RPS6KC1: variants seen among roughly 807,000 people sequenced by gnomAD.
The protein encoded by RPS6KC1 is ribosomal protein S6 kinase C1, also known as inactive ribosomal protein S6 kinase delta-1.
In RPS6KC1, 54 loss-of-function variants were observed where a neutral mutation model predicts 103.8. That is an observed-to-expected ratio of 0.52 (90% CI 0.42 to 0.65). The LOEUF (loss-of-function observed/expected upper bound fraction) is 0.65. Among genes scored for constraint, RPS6KC1 ranks in the 30% least tolerant of loss-of-function variants. The pLI is 0.00. For missense variants in RPS6KC1, 1,151 were observed against 1,253.8 expected, an observed-to-expected ratio of 0.92 and a Z score of 1.24; for synonymous variants, 439 against 438.7, an observed-to-expected ratio of 1.00 and a Z score of -0.01.
At chr1:213,510,725 C>T in the RPS6KC1 span, among the ~76,000 whole-genome samples, 10 of 152,250 alleles carry the variant, frequency 6.6e-5, 1 homozygote, top group South Asian at 4.1e-4. Context: ...TCCCTGAATT[C>T]GTAGGAGCCG....
chr1:213,803,256 T>TC, the RPS6KC1 span, among the ~76,000 whole-genome samples: 1 of 149,692 alleles, frequency 6.7e-6, no homozygotes, highest in East Asian at 1.9e-4. Context: ...TTTTTTTTTT[T>TC]TTTTTTTTAG....
chr1:213,738,453 C>T, the RPS6KC1 span, among the ~76,000 whole-genome samples: 7 of 152,010 alleles, frequency 4.6e-5, no homozygotes, highest in Non-Finnish European at 1.0e-4. Flanking sequence ...TTTAGAAAGC[C>T]GCTGACTAGA....
intron 8 of RPS6KC1, among the ~76,000 whole-genome samples, chr1:213,199,693 G>A (rs1439862414): frequency 6.6e-6 from 1 of 152,126 alleles, no homozygotes; most frequent in Non-Finnish European, 1.5e-5. Context: ...AATAGGAAGG[G>A]AGTCAAATTA....
chr1:213,564,895 C>A, the RPS6KC1 span, among the ~76,000 whole-genome samples: 2 of 152,064 alleles, frequency 1.3e-5, no homozygotes, highest in Admixed American at 6.5e-5. Context: ...CATACTGGAC[C>A]CTGACTGATG....
chr1:213,087,690 T>G (rs1214184145), intron 3 of RPS6KC1, among the ~76,000 whole-genome samples: 1 of 152,208 alleles, frequency 6.6e-6, no homozygotes, highest in Non-Finnish European at 1.5e-5. Context: ...CACAATCTCT[T>G]GATAAGCTTG....
At chr1:213,217,611 C>T (rs1272043326) in intron 8 of RPS6KC1, among the ~76,000 whole-genome samples, 2 of 152,166 alleles carry the variant, frequency 1.3e-5, no homozygotes, top group Non-Finnish European at 2.9e-5. Flanking sequence ...AACATCGATG[C>T]AAAAATCCTC....
the RPS6KC1 span, among the ~76,000 whole-genome samples, chr1:213,372,532 C>CA: frequency 1.3e-5 from 2 of 152,208 alleles, no homozygotes; most frequent in African/African-American, 4.8e-5. Context: ...GTGAGTTCAG[C>CA]AGCAATTGCC....
the RPS6KC1 span, among the ~76,000 whole-genome samples, chr1:213,392,456 G>A: frequency 6.6e-6 from 1 of 152,164 alleles, no homozygotes; most frequent in South Asian, 2.1e-4. Flanking sequence ...CTGCTGTACT[G>A]CTTTTGTCAA....
the RPS6KC1 span, among the ~76,000 whole-genome samples, chr1:213,586,643 CA>C: frequency 0.78 from 118,621 of 152,124 alleles, 46,517 homozygotes; most frequent in East Asian, 0.98. Flanking sequence ...AGAAGGGCAC[CA>C]ATCCTTCTAA....
chr1:213,311,611 G>GTGTCTACA, the RPS6KC1 span, among the ~76,000 whole-genome samples: 1 of 152,108 alleles, frequency 6.6e-6, no homozygotes, highest in African/African-American at 2.4e-5. Context: ...GATTTCTTTG[G>GTGTCTACA]TGTCTACATG....
intron 5 of RPS6KC1, among the ~76,000 whole-genome samples, chr1:213,124,488 T>A (rs1275224131): frequency 2.0e-5 from 3 of 152,180 alleles, no homozygotes. Flanking sequence ...TTCAGGGAGC[T>A]AGTTTGCGTT....
the RPS6KC1 span, among the ~76,000 whole-genome samples, chr1:213,690,530 G>A: frequency 5.9e-5 from 9 of 152,326 alleles, no homozygotes; most frequent in East Asian, 1.5e-3. Context: ...ATCAAAGGGA[G>A]TTCCTGCCTT....
chr1:213,151,222 A>AC lies in RPS6KC1; in HGVS notation c.836-16629dup, dbSNP rs1370918961. Among the ~76,000 whole-genome samples, 8 of 95,292 alleles carry AC rather than the reference A, an allele frequency of 8.4e-5. No individual in the cohort carries two copies. In the East Asian group the frequency reaches 2.5e-3, roughly 30 times the overall value. The allele number at this position is 95,292 out of a possible 152,430, so 62.5% of individuals were successfully genotyped here. ...GGGCGGCTGGCCAGGCGGGGGGCTGACCCCCCCACCTCCCTCCCGGACGGG... is the reference window on the plus strand; with the variant it reads ...GGGCGGCTGGCCAGGCGGGGGGCTGACCCCCCCCACCTCCCTCCCGGACGGG... On this transcript the variant is annotated intron_variant, in intron 6 of 14. Coordinates refer to ENST00000366960, the MANE Select transcript of RPS6KC1 (RefSeq NM_012424.6).
At chr1:213,457,936 A>G in the RPS6KC1 span, among the ~76,000 whole-genome samples, 10 of 152,180 alleles carry the variant, frequency 6.6e-5, no homozygotes, top group Non-Finnish European at 1.2e-4. Flanking sequence ...GGAACATTTT[A>G]CCTCTGATTC....
At chr1:213,111,516 G>T (rs536559890) in intron 4 of RPS6KC1, among the ~76,000 whole-genome samples, 1 of 152,090 alleles carries the variant, frequency 6.6e-6, no homozygotes, top group Admixed American at 6.5e-5. Context: ...AACAGTGTTT[G>T]TTAAACTAGG....
At chr1:213,114,486 A>G (rs1377443418) in intron 4 of RPS6KC1, among the ~76,000 whole-genome samples, 1 of 151,710 alleles carries the variant, frequency 6.6e-6, no homozygotes, top group Admixed American at 6.6e-5. Context: ...TAGATATACA[A>G]TCATGTCATC....
chr1:213,769,517 CAG>C, the RPS6KC1 span, among the ~76,000 whole-genome samples: 364 of 148,502 alleles, frequency 2.5e-3, 2 homozygotes, highest in African/African-American at 8.1e-3. Context: ...GAGAGATGGA[CAG>C]AGAGAGAGAG....
At chr1:213,672,674 A>C in the RPS6KC1 span, among the ~76,000 whole-genome samples, 1 of 152,114 alleles carries the variant, frequency 6.6e-6, no homozygotes, top group Admixed American at 6.5e-5. Flanking sequence ...ATCCACTCTG[A>C]GTGTTTCAAC....
the RPS6KC1 span, among the ~76,000 whole-genome samples, chr1:213,630,890 A>T: frequency 0.14 from 21,900 of 152,160 alleles, 2,515 homozygotes; most frequent in African/African-American, 0.32. Flanking sequence ...GCAGAACAGC[A>T]GATATTGGTG....
Sources: allele counts gnomAD v4.1 joint callset (sites outside exome capture counted in the v4.1 genomes callset), GRCh38; gene constraint gnomAD v4.1.1; transcripts MANE v1.5; gene names NCBI Gene and HGNC (gene_info 2026-07-23, HGNC 2026-07-21).